Variants in CEP70 observed in about 807,000 individuals in gnomAD.
The protein encoded by CEP70 is centrosomal protein 70.
CEP70 carries 70 observed loss-of-function variants against 90.9 expected under a neutral mutation model. The ratio of observed to expected loss-of-function variants is 0.77; its 90% CI spans 0.64 to 0.94. CEP70 has a LOEUF of 0.94. Ranked by LOEUF, CEP70 falls within the 40% of genes least tolerant of loss-of-function variation. The pLI is 0.00. For synonymous variants in CEP70, 220 were observed against 228.3 expected (o/e 0.96, Z 0.33); for missense variants, 648 against 669.0 (o/e 0.97, Z 0.35).
At chr3:138,550,569 G>A (rs2039545109) in intron 6 of CEP70, among the ~76,000 whole-genome samples, 1 of 152,032 alleles carries the variant, frequency 6.6e-6, no homozygotes, top group South Asian at 2.1e-4. Flanking sequence ...CTTCATGTTG[G>A]CCAGGCTGGT....
intron 11 of CEP70, among the ~76,000 whole-genome samples, chr3:138,510,502 T>G (rs2035426555): frequency 6.6e-6 from 1 of 152,106 alleles, no homozygotes; most frequent in African/African-American, 2.4e-5. Flanking sequence ...CCAAGGATAT[T>G]AGATTTAGCA....
chr3:138,531,056 A>G (rs1307339486), intron 8 of CEP70, among the ~76,000 whole-genome samples: 1 of 152,156 alleles, frequency 6.6e-6, no homozygotes, highest in East Asian at 1.9e-4. Flanking sequence ...CATCCAATCC[A>G]AATATCTGAC....
Position 138,565,798 on chromosome 3 carries a change from T to C in CEP70, c.465+4520A>G, listed in dbSNP as rs541235618. Among the ~76,000 whole-genome samples the C allele has an allele frequency of 2.0e-5, 3 of 152,148 alleles. No individual in the cohort carries two copies. The South Asian group carries it at 6.2e-4, about 32-fold the overall frequency. On this transcript the variant is annotated intron_variant, in intron 6 of 17. Coordinates refer to ENST00000264982, the MANE Select transcript of CEP70 (RefSeq NM_024491.4). The stretch of plus-strand genomic sequence containing the variant: ...TTCATGACTAAAACACCAAAAGCAA[T>C]GGCAACAAAAGCCAAATAGACAAGT...
intron 13 of CEP70, 39 bp downstream of exon 13, chr3:138,505,256 A>G (rs1454725143): frequency 6.7e-7 from 1 of 1,485,542 alleles, no homozygotes; most frequent in Non-Finnish European, 9.1e-7. Context: ...ATAGAGTCCA[A>G]TAGATGTTCA....
chr3:138,509,901 T>A (rs951847876), intron 11 of CEP70, among the ~76,000 whole-genome samples: 2 of 152,142 alleles, frequency 1.3e-5, no homozygotes, highest in African/African-American at 4.8e-5. Flanking sequence ...CAAGTAACAA[T>A]CCTTCTTTAA....
chr3:138,499,987 G>C, intron 16 of CEP70, 123 bp downstream of exon 16: 3 of 708,886 alleles, frequency 4.2e-6, no homozygotes, highest in Non-Finnish European at 7.7e-6. Flanking sequence ...GCTCAGACTG[G>C]ACTTAAACTC....
At chr3:138,515,222 T>C (rs1477519793) in intron 11 of CEP70, among the ~76,000 whole-genome samples, 1 of 152,088 alleles carries the variant, frequency 6.6e-6, no homozygotes, top group African/African-American at 2.4e-5. Flanking sequence ...ATGATCAATA[T>C]ATAACCTTGT....
At chr3:138,570,559 A>G (rs921214956) in intron 5 of CEP70, 61 bp from the exon 6 acceptor site, 37 of 1,312,344 alleles carry the variant, frequency 2.8e-5, no homozygotes, top group Non-Finnish European at 3.8e-5. Flanking sequence ...ATTACCAAGC[A>G]TATCCATATA....
At chr3:138,569,917 C>T (rs927793573) in intron 6 of CEP70, among the ~76,000 whole-genome samples, 3 of 152,026 alleles carry the variant, frequency 2.0e-5, no homozygotes, top group African/African-American at 7.2e-5. Context: ...TATTAGATAT[C>T]CAGTAGAGAT....
chr3:138,521,802 A>G (rs981010101), intron 11 of CEP70, among the ~76,000 whole-genome samples: 2 of 152,368 alleles, frequency 1.3e-5, no homozygotes, highest in Non-Finnish European at 2.9e-5. Context: ...CAGCTCATTG[A>G]GAACAAGCCA....
intron 2 of CEP70, among the ~76,000 whole-genome samples, chr3:138,588,209 A>G (rs2108277184): frequency 6.6e-6 from 1 of 152,350 alleles, no homozygotes; most frequent in South Asian, 2.1e-4. Context: ...ATGATATGAC[A>G]CCAAAAGCAT....
chr3:138,553,144 C>G (rs1443190308), intron 6 of CEP70, among the ~76,000 whole-genome samples: 1 of 151,812 alleles, frequency 6.6e-6, no homozygotes. Flanking sequence ...AAACCCTAGA[C>G]AGACCAATAA....
At chr3:138,565,603 T>C (rs1022960892) in intron 6 of CEP70, among the ~76,000 whole-genome samples, 26 of 152,168 alleles carry the variant, frequency 1.7e-4, no homozygotes, top group Non-Finnish European at 1.0e-4. Flanking sequence ...ATTCCCTATT[T>C]AATAAATGGT....
At chr3:138,527,692 C>T (rs2037409322) in intron 10 of CEP70, among the ~76,000 whole-genome samples, 1 of 89,186 alleles carries the variant, frequency 1.1e-5, no homozygotes, top group Non-Finnish European at 2.2e-5. Context: ...AAGACTCCGT[C>T]TCAAAAAAAA....
intron 10 of CEP70, among the ~76,000 whole-genome samples, chr3:138,526,694 C>T (rs1427209007): frequency 1.3e-5 from 2 of 152,146 alleles, no homozygotes; most frequent in Non-Finnish European, 2.9e-5. Context: ...TCTCATCCCA[C>T]AGCACAGGAA....
chr3:138,497,805 G>C, intron 17 of CEP70: 1 of 985,302 alleles, frequency 1.0e-6, no homozygotes, highest in Non-Finnish European at 1.2e-6. Context: ...CTCATGATAA[G>C]GTCCTCCAAC....
At chr3:138,525,588 A>AT in intron 10 of CEP70, 24 bp from the exon 11 acceptor site, 2 of 1,102,076 alleles carry the variant, frequency 1.8e-6, no homozygotes, top group Non-Finnish European at 2.5e-6. Context: ...ATAATGATAA[A>AT]TTAATTCAAT....
rs138414662 is a variant in CEP70, at chr3:138,520,355, T to C, written c.944+5135A>G. On this transcript the variant is annotated intron_variant, in intron 11 of 17. Transcript: ENST00000264982. ...GACCTAATAGACATCTACAGAACTC[T>C]CCACCCCAAAGCAATAGAATGTACT... Among the ~76,000 whole-genome samples the C allele has an allele frequency of 4.7e-3, 721 of 152,236 alleles. 4 individuals carry two copies. Among genetic ancestry groups the C allele is most frequent in the African/African-American group, 0.017 (694 of 41,532 alleles).
intron 2 of CEP70, among the ~76,000 whole-genome samples, chr3:138,584,641 T>C (rs1282949820): frequency 6.6e-6 from 1 of 151,866 alleles, no homozygotes; most frequent in African/African-American, 2.4e-5. Flanking sequence ...ATTCAACATA[T>C]GCAAATCAAT....
Sources: gnomAD v4.1 joint callset for allele counts (sites outside exome capture counted in the v4.1 genomes callset) on GRCh38, gnomAD v4.1.1 for gene constraint, MANE v1.5 for transcripts, NCBI Gene and HGNC (gene_info 2026-07-23, HGNC 2026-07-21) for gene names.